CTNNBL1: variants seen among roughly 807,000 people sequenced by gnomAD.
CTNNBL1 encodes beta-catenin-like protein 1.
A neutral mutation model predicts 72.7 loss-of-function variants in CTNNBL1; 31 were observed. The ratio of observed to expected loss-of-function variants is 0.43; its 90% confidence interval spans 0.32 to 0.58. The LOEUF is 0.58. Among genes scored for constraint, CTNNBL1 ranks in the 20% least tolerant of loss-of-function variants. CTNNBL1 has a pLI of 0.08. For missense variants in CTNNBL1, 534 were observed against 725.1 expected (o/e 0.74, Z 3.03); for synonymous variants, 240 against 267.3 (o/e 0.90, Z 1.00).
At chr20:37,746,962 A>G (rs940336909) in intron 4 of CTNNBL1, among the ~76,000 whole-genome samples, 7 of 152,250 alleles carry the variant, frequency 4.6e-5, no homozygotes, top group African/African-American at 1.7e-4. Flanking sequence ...GTGTAAATCT[A>G]GGCATCTTTC....
intron 11 of CTNNBL1, among the ~76,000 whole-genome samples, chr20:37,826,289 A>G (rs545625020): frequency 2.0e-5 from 3 of 152,350 alleles, no homozygotes; most frequent in South Asian, 2.1e-4. Flanking sequence ...AAAATCCATA[A>G]TGCGCTGGAA....
chr20:37,737,411 A>G lies in CTNNBL1; in HGVS notation c.253A>G (p.Met85Val). ...ATTGGATGAAAGCTCAGTGAAGAAA[A>G]TGATCCTCACATTTGAAAAGAGATC... ...EPLDESSVKK[M>V]ILTFEKRSYK... Residue 85 changes from methionine to valine, a missense_variant, in exon 3 of 16, where the codon ATG becomes GTG. Coordinates refer to ENST00000361383, the MANE Select transcript of CTNNBL1 (RefSeq NM_030877.5). The G allele has an allele frequency of 2.5e-6, 4 of 1,613,918 alleles. No homozygotes were observed. The highest frequency in any genetic ancestry group is 3.4e-6 in the Non-Finnish European group (4 of 1,179,884).
intron 10 of CTNNBL1, among the ~76,000 whole-genome samples, chr20:37,786,750 T>A (rs2073678824): frequency 6.6e-6 from 1 of 152,118 alleles, no homozygotes; most frequent in Admixed American, 6.6e-5. Context: ...AAAAAATAAT[T>A]CTCTTATTTA....
chr20:37,862,967 T>C (rs563132324), intron 15 of CTNNBL1, among the ~76,000 whole-genome samples: 86 of 152,324 alleles, frequency 5.6e-4, no homozygotes, highest in African/African-American at 2.0e-3. Context: ...CTTTTGTCTG[T>C]CTCATACATT....
At chr20:37,775,051 T>C (rs2073561663) in intron 7 of CTNNBL1, among the ~76,000 whole-genome samples, 1 of 152,188 alleles carries the variant, frequency 6.6e-6, no homozygotes, top group Non-Finnish European at 1.5e-5. Context: ...GTCTCAGTAA[T>C]TCTGTTTTTA....
intron 1 of CTNNBL1, among the ~76,000 whole-genome samples, chr20:37,695,192 A>T (rs1456796414): frequency 2.0e-5 from 3 of 152,180 alleles, no homozygotes; most frequent in African/African-American, 4.8e-5. Flanking sequence ...AATATACTTA[A>T]TTAATTTTTA....
chr20:37,860,419 C>A (rs1600535274), intron 15 of CTNNBL1, 75 bp downstream of exon 15: 1 of 1,207,564 alleles, frequency 8.3e-7, no homozygotes, highest in Non-Finnish European at 1.2e-6. Context: ...CTGTCAGTAT[C>A]CCTGGTATTT....
chr20:37,785,457 CTT>C (rs2073664696), intron 10 of CTNNBL1, among the ~76,000 whole-genome samples: 1 of 152,188 alleles, frequency 6.6e-6, no homozygotes, highest in Admixed American at 6.5e-5. Flanking sequence ...CTTTCTTATT[CTT>C]TTTTTCTTTT....
intron 1 of CTNNBL1, among the ~76,000 whole-genome samples, 198 bp from the exon 2 acceptor site, chr20:37,732,681 T>C (rs551906787): frequency 3.2e-4 from 48 of 152,356 alleles, no homozygotes; most frequent in Non-Finnish European, 5.7e-4. Flanking sequence ...ATTTGCTGTC[T>C]ATGCCTTGCA....
intron 1 of CTNNBL1, among the ~76,000 whole-genome samples, chr20:37,699,991 C>T (rs760653753): frequency 1.5e-4 from 23 of 152,140 alleles, no homozygotes; most frequent in Non-Finnish European, 2.6e-4. Context: ...GGATTAAGTA[C>T]GCGACTCTCT....
At chr20:37,763,485 G>A (rs1314356142) in intron 5 of CTNNBL1, among the ~76,000 whole-genome samples, 1 of 152,124 alleles carries the variant, frequency 6.6e-6, no homozygotes, top group Non-Finnish European at 1.5e-5. Flanking sequence ...TTGTGATTCA[G>A]GTATCACAAA....
At chr20:37,698,784 C>A (rs541315527) in intron 1 of CTNNBL1, among the ~76,000 whole-genome samples, 1 of 152,096 alleles carries the variant, frequency 6.6e-6, no homozygotes, top group African/African-American at 2.4e-5. Flanking sequence ...GGTTGTTCAC[C>A]CCTGTAATCC....
intron 11 of CTNNBL1, among the ~76,000 whole-genome samples, chr20:37,817,660 T>A (rs774798432): frequency 4.3e-4 from 65 of 152,174 alleles, no homozygotes; most frequent in Non-Finnish European, 6.3e-4. Flanking sequence ...CACCTGGAGA[T>A]CTTGTTAAAA....
At chr20:37,866,726 G>GA (rs1358844716) in intron 15 of CTNNBL1, among the ~76,000 whole-genome samples, 2 of 152,070 alleles carry the variant, frequency 1.3e-5, no homozygotes, top group African/African-American at 4.8e-5. Flanking sequence ...AAAACACAAA[G>GA]AAAAAAACAC....
intron 13 of CTNNBL1, among the ~76,000 whole-genome samples, chr20:37,844,317 T>G (rs2072329267): frequency 1.3e-5 from 2 of 152,188 alleles, no homozygotes; most frequent in Non-Finnish European, 2.9e-5. Context: ...ATGCCTCATG[T>G]AGCCTCAGTT....
intron 11 of CTNNBL1, among the ~76,000 whole-genome samples, chr20:37,820,041 A>AT (rs1300252341): frequency 6.6e-6 from 1 of 150,716 alleles, no homozygotes; most frequent in African/African-American, 2.4e-5. Context: ...CAGCCAGTTA[A>AT]TTTTTTTTTA....
chr20:37,731,853 A>G (rs891778385), intron 1 of CTNNBL1, among the ~76,000 whole-genome samples: 5 of 152,164 alleles, frequency 3.3e-5, no homozygotes, highest in African/African-American at 1.2e-4. Context: ...TATCTTAGCT[A>G]TTGTGAATAA....
At chr20:37,774,543 G>T (rs1044609566) in intron 7 of CTNNBL1, among the ~76,000 whole-genome samples, 1 of 152,272 alleles carries the variant, frequency 6.6e-6, no homozygotes, top group East Asian at 1.9e-4. Flanking sequence ...ATTTAAAAAT[G>T]ATGAAGTTAT....
intron 2 of CTNNBL1, among the ~76,000 whole-genome samples, chr20:37,734,745 A>G (rs2073158028): frequency 2.0e-5 from 3 of 152,242 alleles, no homozygotes; most frequent in Admixed American, 2.0e-4. Context: ...GTGCTACATC[A>G]TCAGCATTCA....
Sources: gnomAD v4.1 joint callset for allele counts (sites outside exome capture counted in the v4.1 genomes callset) on GRCh38, gnomAD v4.1.1 for gene constraint, MANE v1.5 for transcripts, NCBI Gene and HGNC (gene_info 2026-07-23, HGNC 2026-07-21) for gene names.